The following PSMC2 variants were observed in gnomAD, a reference collection of about 807,000 sequenced individuals.
PSMC2 encodes proteasome 26S subunit, ATPase 2, also known as 26S proteasome regulatory subunit 7.
A neutral mutation model predicts 53.3 loss-of-function variants in PSMC2; 7 were observed. The observed-to-expected ratio is 0.13, with a 90% CI of 0.07 to 0.25. The LOEUF is 0.25. PSMC2 is among the 10% of genes least tolerant of loss of function. The pLI, the probability that PSMC2 is intolerant of heterozygous loss-of-function variation, is 1.00. For synonymous variants in PSMC2, 169 were observed against 183.9 expected, an observed-to-expected ratio of 0.92 and a Z score of 0.66; for missense variants, 241 against 544.0, an observed-to-expected ratio of 0.44 and a Z score of 5.54.
At chr7:103,352,773 T>A in intron 1 of PSMC2, 1 of 769,356 alleles carries the variant, frequency 1.3e-6, no homozygotes, top group Non-Finnish European at 2.4e-6. Context: ...AAAACAAAGT[T>A]CAGAAGTGTT....
intron 4 of PSMC2, among the ~76,000 whole-genome samples, chr7:103,358,613 T>TA (rs1427426765): frequency 5.9e-5 from 9 of 152,072 alleles, no homozygotes; most frequent in Non-Finnish European, 8.8e-5. Flanking sequence ...ATTTCTCAGG[T>TA]AAAAAAACTC....
rs114923477 is a variant in PSMC2, at chr7:103,364,390, G to C, written c.756+83G>C. 7.3e-4 allele frequency: 1,070 copies of C among 1,468,960 alleles called. 6 individuals are homozygous for C. In the African/African-American group the frequency reaches 0.014, roughly 19 times the overall value. 91.0% of individuals were successfully genotyped at this position (1,468,960 alleles called of 1,614,324 possible). ...AAATTAAAAATGGCACTTCTGCATT[G>C]AGGGATCCAGACCTGAAATTTCTTT... On this transcript the variant is annotated intron_variant, in intron 8 of 11. Transcript: ENST00000292644.
rs1316615511 is a variant in PSMC2 at position 103,367,685 on chromosome 7, T to C, written c.1048-28T>C. On this transcript the variant is annotated intron_variant, in intron 10 of 11. Coordinates refer to ENST00000292644, the MANE Select transcript of PSMC2 (RefSeq NM_002803.4). This position sits in a 1 kb window ranked among gnomAD's most constrained non-coding sequence, Gnocchi z 6.1. ...TTCTTCCTGTGATTTTTTTCCATTT[T>C]AATATTTGTCAATTTTCTCATTTTT... 1 of 1,608,622 alleles carries C rather than the reference T, an allele frequency of 6.2e-7. No individual in the cohort carries two copies. The highest frequency in any genetic ancestry group is 1.1e-5 in the South Asian group (1 of 90,050).
chr7:103,365,788 T>A (rs1820686558), intron 8 of PSMC2, among the ~76,000 whole-genome samples: 1 of 151,644 alleles, frequency 6.6e-6, no homozygotes, highest in South Asian at 2.1e-4. Flanking sequence ...ATTAGCGGGG[T>A]GTGGTGACAC....
intron 1 of PSMC2, 37 bp downstream of exon 1, chr7:103,347,818 G>T (rs768951870): frequency 6.2e-7 from 1 of 1,610,540 alleles, no homozygotes; most frequent in South Asian, 1.1e-5. Context: ...AGCTGGGGCG[G>T]GACTGGAGCG....
intron 9 of PSMC2, among the ~76,000 whole-genome samples, chr7:103,366,420 G>C (rs1820723001): frequency 6.6e-6 from 1 of 152,206 alleles, no homozygotes; most frequent in African/African-American, 2.4e-5. Context: ...AAATGTTTGA[G>C]AAGTGTTTTG....
At chr7:103,348,749 T>C (rs1819662769) in intron 1 of PSMC2, 4 of 1,306,574 alleles carry the variant, frequency 3.1e-6, no homozygotes, top group Non-Finnish European at 3.3e-6. Context: ...GGGAAGGATA[T>C]TGGTTTCATT....
intron 3 of PSMC2, 151 bp downstream of exon 3, chr7:103,355,100 C>T: frequency 1.6e-6 from 1 of 639,272 alleles, no homozygotes; most frequent in Non-Finnish European, 2.7e-6. Context: ...CTCATTTAAC[C>T]ATATCTTTCA....
At chr7:103,353,131 G>A (rs933937448) in intron 1 of PSMC2, among the ~76,000 whole-genome samples, 6 of 151,866 alleles carry the variant, frequency 4.0e-5, no homozygotes, top group South Asian at 2.1e-4. Context: ...GATAACCACC[G>A]TAGAACACCA....
chr7:103,347,716 C>G lies in PSMC2; in HGVS notation c.5C>G (p.Pro2Arg), dbSNP rs1464465948. 2 of 1,613,850 alleles carry G rather than the reference C, an allele frequency of 1.2e-6. No homozygotes were observed. Among genetic ancestry groups the G allele is most frequent in the African/African-American group, 1.3e-5 (1 of 75,004 alleles). ...GAGGCTTTTGGAGCTGCTAAAATGC[C>G]GGATTACCTCGGTGCCGATCAGCGG... M[P>R]DYLGADQRKT... Residue 2 changes from proline to arginine, a missense_variant, in exon 1 of 12, where the codon CCG (proline) becomes CGG (arginine). Around this residue, in one of 6 missense-constraint regions of PSMC2, gnomAD observed 70 missense variants for 57.9 expected, o/e 1.21. Coordinates refer to ENST00000292644, the MANE Select transcript of PSMC2 (RefSeq NM_002803.4).
intron 1 of PSMC2, 63 bp downstream of exon 1, chr7:103,347,844 T>C: frequency 1.3e-6 from 2 of 1,577,646 alleles, no homozygotes; most frequent in African/African-American, 1.3e-5. Flanking sequence ...GCCTTGGCAC[T>C]GGAGAGGAGC....
At chr7:103,351,323 C>A (rs1032284422) in intron 1 of PSMC2, among the ~76,000 whole-genome samples, 3 of 152,180 alleles carry the variant, frequency 2.0e-5, no homozygotes, top group Non-Finnish European at 4.4e-5. Context: ...GGGGCCAAGT[C>A]CAGGAGAAAC....
At chr7:103,353,526 C>T (rs1169195016) in intron 1 of PSMC2, among the ~76,000 whole-genome samples, 2 of 152,130 alleles carry the variant, frequency 1.3e-5, no homozygotes, top group African/African-American at 4.8e-5. Flanking sequence ...AGGCTGGTCT[C>T]AAACTCCTGA....
Position 103,369,124 on chromosome 7 carries a change from CT to C in PSMC2, c.*1071del, listed in dbSNP as rs1820879740. ...GAAAAAGTTGACAACATAGAAAATG[CT>C]GCTTTGCACTGAAATACTTAAAATT... On this transcript the variant is annotated 3_prime_UTR_variant, in exon 12 of 12. Transcript: ENST00000292644. The C allele has an allele frequency of 2.0e-5, 3 of 152,244 alleles. No homozygotes were observed. The South Asian group carries it at 6.2e-4, about 32-fold the overall frequency. The allele number at this position is 152,244 out of a possible 1,614,324, so 9.4% of individuals were successfully genotyped here. A position where few individuals can be genotyped will look rare whatever the true frequency, so the allele number is the denominator to read the frequency against.
Position 103,347,758 on chromosome 7 carries a change from A to G in PSMC2, c.47A>G (p.Glu16Gly), listed in dbSNP as rs943377031. The change falls in exon 1 of 12, where the codon GAG becomes GGG. Residue 16 changes from glutamate (E) to glycine (G), a missense_variant. Physicochemically the swap from Glu to Gly is moderately conservative, Grantham distance 98. Around this residue, in one of 6 missense-constraint regions of PSMC2, gnomAD observed 70 missense variants for 57.9 expected, o/e 1.21. Transcript: ENST00000292644. ...GATCAGCGGAAGACCAAAGAGGATG[A>G]GAAGGACGACAAGCCCATCCGAGGT... is the stretch of plus-strand genomic sequence containing the variant. ...GADQRKTKED[E>G]KDDKPIRALD... 1 of 1,613,934 alleles carries G rather than the reference A, an allele frequency of 6.2e-7. No homozygotes were observed. The highest frequency in any genetic ancestry group is 8.5e-7 in the Non-Finnish European group (1 of 1,179,834).
intron 1 of PSMC2, among the ~76,000 whole-genome samples, chr7:103,348,011 C>T (rs1003690291): frequency 1.3e-5 from 2 of 152,150 alleles, no homozygotes; most frequent in African/African-American, 2.4e-5. Context: ...ATTCTCAGCT[C>T]TCGGGTCTTG....
chr7:103,353,202 C>T (rs990119778), intron 1 of PSMC2, among the ~76,000 whole-genome samples: 2 of 152,124 alleles, frequency 1.3e-5, no homozygotes, highest in Non-Finnish European at 2.9e-5. Flanking sequence ...AATATATGCA[C>T]ATTATATCCT....
intron 4 of PSMC2, among the ~76,000 whole-genome samples, chr7:103,356,079 T>G (rs1820015792): frequency 6.6e-6 from 1 of 152,098 alleles, no homozygotes; most frequent in South Asian, 2.1e-4. Context: ...TCCTCAAACG[T>G]AACTACTGAA....
intron 3 of PSMC2, 40 bp from the exon 4 acceptor site, chr7:103,355,654 C>A: frequency 7.0e-7 from 1 of 1,423,624 alleles, no homozygotes. Context: ...TAGGGTGATG[C>A]ATTACATTTT....
Sources: gnomAD v4.1 joint callset for allele counts (sites outside exome capture counted in the v4.1 genomes callset) on GRCh38, gnomAD v4.1.1 for gene constraint, gnomAD v4.1.1 regional missense constraint, Gnocchi (gnomAD v3.1) non-coding constraint, MANE v1.5 for transcripts, NCBI Gene and HGNC (gene_info 2026-07-23, HGNC 2026-07-21) for gene names.